The following AGBL1 variants were observed in gnomAD, a reference collection of about 807,000 sequenced individuals.
AGBL1 encodes the protein cytosolic carboxypeptidase 4.
Under a neutral mutation model 118.9 loss-of-function variants are expected in AGBL1, and 130 were observed. The ratio of observed to expected loss-of-function variants is 1.09; its 90% CI spans 0.95 to 1.26. The LOEUF is 1.26. AGBL1 is among the 50% of genes most tolerant of loss of function. The pLI is 0.00. For synonymous variants in AGBL1, 555 were observed against 478.9 expected, an observed-to-expected ratio of 1.16 and a Z score of -2.08; for missense variants, 1,584 against 1,298.1, an observed-to-expected ratio of 1.22 and a Z score of -3.38.
intron 16 of AGBL1, among the ~76,000 whole-genome samples, chr15:86,292,392 T>A (rs950248181): frequency 6.6e-6 from 1 of 151,972 alleles, no homozygotes; most frequent in African/African-American, 2.4e-5. Context: ...AGGGAAGAGA[T>A]CTTGTATAGA....
chr15:86,101,631 C>CTT lies in AGBL1; in HGVS notation c.51+21622_51+21623dup, dbSNP rs563450139. On this transcript the variant is annotated intron_variant, in intron 1 of 22. Transcript: ENST00000614907. ...TTTATCATTGTGTAATGACATTTGT[C>CTT]TTTTTTTTTTTTTTTAGTTTTTGAC... Among the ~76,000 whole-genome samples, 10 of 131,698 alleles carry CTT rather than the reference C, an allele frequency of 7.6e-5. No homozygotes were observed. In the East Asian group the frequency reaches 8.8e-4, roughly 12 times the overall value. The allele number at this position is 131,698 out of a possible 152,430, so 86.4% of individuals were successfully genotyped here.
rs183231294 is a variant in AGBL1 at position 86,499,879 on chromosome 15, C to T, written c.2556-22931C>T. ...TCTATTGTTATATAAATGAAGGGAG[C>T]AGGGAATTGTTGTTCCTCCTTCTTC... On this transcript the variant is annotated intron_variant, in intron 18 of 22. Transcript: ENST00000614907. 2.0e-3 allele frequency among the ~76,000 whole-genome samples: 298 copies of T among 151,936 alleles called. 3 individuals are homozygous for T. The highest frequency in any genetic ancestry group is 3.8e-3 in the Non-Finnish European group (260 of 67,880).
chr15:86,846,938 T>C (rs545848160), intron 22 of AGBL1, among the ~76,000 whole-genome samples: 1 of 152,340 alleles, frequency 6.6e-6, no homozygotes, highest in Non-Finnish European at 1.5e-5. Context: ...ACCCTTTAAG[T>C]TTCCATTTTT....
intron 24 of AGBL1, among the ~76,000 whole-genome samples, chr15:87,012,297 A>G (rs1481766358): frequency 2.0e-5 from 3 of 151,950 alleles, no homozygotes; most frequent in Admixed American, 6.6e-5. Flanking sequence ...ATGTAGTAAC[A>G]TAAAGCTAAT....
chr15:86,740,653 C>T (rs995123395), intron 22 of AGBL1, among the ~76,000 whole-genome samples: 6 of 152,134 alleles, frequency 3.9e-5, no homozygotes, highest in Admixed American at 1.3e-4. Context: ...AGTGTGATTA[C>T]ATCCGTTCAG....
intron 23 of AGBL1, among the ~76,000 whole-genome samples, chr15:86,942,406 G>T (rs548232850): frequency 6.6e-6 from 1 of 152,242 alleles, no homozygotes; most frequent in African/African-American, 2.4e-5. Context: ...TCTTCCGAGG[G>T]TTTTAGAATT....
chr15:86,624,960 G>C (rs1439231895), intron 21 of AGBL1, among the ~76,000 whole-genome samples: 2 of 152,304 alleles, frequency 1.3e-5, no homozygotes, highest in East Asian at 3.9e-4. Context: ...ACCAGGCTCT[G>C]TGTGGCTCTT....
chr15:86,249,899 T>C (rs779785141), intron 7 of AGBL1, among the ~76,000 whole-genome samples: 6 of 152,238 alleles, frequency 3.9e-5, no homozygotes, highest in Non-Finnish European at 7.3e-5. Flanking sequence ...CACAGGTTCT[T>C]CAAAACAGTT....
intron 17 of AGBL1, among the ~76,000 whole-genome samples, chr15:86,328,423 TA>T (rs796446262): frequency 8.3e-4 from 126 of 152,174 alleles, no homozygotes; most frequent in African/African-American, 2.2e-3. Flanking sequence ...AAATAAAACT[TA>T]AAAAAAATAC....
chr15:86,669,569 C>A (rs2085705026), intron 21 of AGBL1, among the ~76,000 whole-genome samples: 1 of 151,914 alleles, frequency 6.6e-6, no homozygotes, highest in Admixed American at 6.6e-5. Context: ...TCAATAAATT[C>A]TAAATAAAAG....
At chr15:86,933,454 G>T (rs560028396) in intron 23 of AGBL1, among the ~76,000 whole-genome samples, 2 of 152,112 alleles carry the variant, frequency 1.3e-5, no homozygotes, top group Non-Finnish European at 2.9e-5. Flanking sequence ...GCCAGAGGTC[G>T]CAAGATTTGT....
chr15:86,186,647 A>T (rs2077637952), intron 5 of AGBL1, among the ~76,000 whole-genome samples: 1 of 152,188 alleles, frequency 6.6e-6, no homozygotes, highest in Admixed American at 6.5e-5. Flanking sequence ...TCTGGCTGCC[A>T]CAAAGGCCTC....
At chr15:86,320,502 C>T (rs533661209) in intron 17 of AGBL1, among the ~76,000 whole-genome samples, 3 of 151,836 alleles carry the variant, frequency 2.0e-5, no homozygotes, top group Admixed American at 6.6e-5. Flanking sequence ...ATAATTTTTG[C>T]AAAACTTTAG....
Position 86,817,651 on chromosome 15 carries a change from A to ACG in AGBL1, c.3159-89435_3159-89434insGC, listed in dbSNP as rs1015975223. Among the ~76,000 whole-genome samples, 32 of 74,700 alleles carry ACG rather than the reference A, an allele frequency of 4.3e-4. 1 individual carries two copies. The highest frequency in any genetic ancestry group is 1.1e-3 in the African/African-American group (32 of 28,500). The allele number at this position is 74,700 out of a possible 152,430, so 49.0% of individuals were successfully genotyped here. A position where few individuals can be genotyped will look rare whatever the true frequency, so the allele number is the denominator to read the frequency against. ...TACACACACACACACACACACAGAC[A>ACG]CACACACACACACACAGAAAGAGAC... On this transcript the variant is annotated intron_variant, in intron 22 of 22. Coordinates refer to ENST00000614907, the MANE Select transcript of AGBL1 (RefSeq NM_001386094.1).
At chr15:86,535,601 A>T (rs906941689) in intron 19 of AGBL1, among the ~76,000 whole-genome samples, 3 of 152,166 alleles carry the variant, frequency 2.0e-5, no homozygotes, top group African/African-American at 7.2e-5. Context: ...TTCTGTTTAT[A>T]ACTCACACAA....
chr15:86,820,549 C>T (rs1261164832), intron 22 of AGBL1, among the ~76,000 whole-genome samples: 1 of 152,138 alleles, frequency 6.6e-6, no homozygotes, highest in African/African-American at 2.4e-5. Flanking sequence ...CAAAGGAAGA[C>T]ATTTTTGCGG....
At chr15:86,522,977 T>C in intron 19 of AGBL1, 38 bp downstream of exon 19, 1 of 1,598,208 alleles carries the variant, frequency 6.3e-7, no homozygotes, top group Non-Finnish European at 8.6e-7. Context: ...TCCTGGCTGC[T>C]TCCTTCTACC....
chr15:86,903,784 C>T (rs1394513323), intron 22 of AGBL1, among the ~76,000 whole-genome samples: 1 of 152,072 alleles, frequency 6.6e-6, no homozygotes, highest in Non-Finnish European at 1.5e-5. Context: ...ATTCCAGCTC[C>T]CCACCAGGAC....
At chr15:86,392,400 G>C (rs1403527745) in intron 17 of AGBL1, among the ~76,000 whole-genome samples, 3 of 152,158 alleles carry the variant, frequency 2.0e-5, no homozygotes, top group African/African-American at 7.2e-5. Flanking sequence ...ACTCCACTGT[G>C]TTTGAAAATA....
Sources: gnomAD v4.1 joint callset for allele counts (sites outside exome capture counted in the v4.1 genomes callset) on GRCh38, gnomAD v4.1.1 for gene constraint, MANE v1.5 for transcripts, NCBI Gene and HGNC (gene_info 2026-07-23, HGNC 2026-07-21) for gene names.